The following RAB29 variants were observed in gnomAD, a reference collection of about 807,000 sequenced individuals.
The protein encoded by RAB29 is ras-related protein Rab-29.
RAB29 carries 13 observed loss-of-function variants against 25.5 expected under a neutral mutation model. That is an observed-to-expected ratio of 0.51 (90% confidence interval 0.33 to 0.81). The LOEUF (loss-of-function observed/expected upper bound fraction) is 0.81. Ranked by LOEUF, RAB29 falls within the 30% of genes least tolerant of loss-of-function variation. The pLI is 0.02. For synonymous variants in RAB29, 88 were observed against 95.0 expected (o/e 0.93, Z 0.43); for missense variants, 201 against 254.9 (o/e 0.79, Z 1.44).
chr1:205,772,097 T>C (rs1004671988), intron 3 of RAB29, among the ~76,000 whole-genome samples: 20 of 152,138 alleles, frequency 1.3e-4, no homozygotes, highest in Non-Finnish European at 2.5e-4. Flanking sequence ...GATGTGAGGA[T>C]TAATGAGTCA....
chr1:205,771,149 A>T (rs1277804717), intron 4 of RAB29: 2 of 460,180 alleles, frequency 4.3e-6, no homozygotes, highest in South Asian at 2.1e-5. Context: ...ATACAAAAAA[A>T]TTAGCTGGGT....
chr1:205,774,827 T>A lies in RAB29; in HGVS notation c.124+6A>T, dbSNP rs1655224684. 5.3e-5 allele frequency: 54 copies of A among 1,027,376 alleles called. 1 individual carries two copies. The highest frequency in any genetic ancestry group is 7.6e-5 in the Non-Finnish European group (53 of 698,306). 63.6% of individuals were successfully genotyped at this position (1,027,376 alleles called of 1,614,324 possible). On this transcript the variant is annotated splice_donor_region_variant and intron_variant, in intron 2 of 5. Coordinates refer to ENST00000367139, the MANE Select transcript of RAB29 (RefSeq NM_003929.3). ...CCTCCCCCTCCCCACCCCCGAGACG[T>A]CTCACCTCCCACCGTGGACTTGTAG...
At position 205,770,794 on chromosome 1, in the gene RAB29, C is replaced by G; in HGVS notation, c.439G>C (p.Gly147Arg). ...GATGTTTCTGTCCAACCTGTGAAAC[C>G]GTTCTCTTTACTGAACCGGTCAATC... ...DQIDRFSKEN[G>R]FTGWTETSVK... Residue 147 changes from glycine to arginine, a missense_variant, in exon 5 of 6, where the codon GGT becomes CGT. Gly to Arg is a moderately radical substitution (Grantham distance 125). Coordinates refer to ENST00000367139, the MANE Select transcript of RAB29 (RefSeq NM_003929.3). The G allele has an allele frequency of 6.2e-7, 1 of 1,614,132 alleles. No homozygotes were observed. The highest frequency in any genetic ancestry group is 8.5e-7 in the Non-Finnish European group (1 of 1,180,008).
chr1:205,773,507 G>A (rs1415905047), intron 2 of RAB29, among the ~76,000 whole-genome samples: 1 of 152,108 alleles, frequency 6.6e-6, no homozygotes, highest in African/African-American at 2.4e-5. Context: ...AATTTTGCCA[G>A]ACTTAAATTT....
Position 205,768,820 on chromosome 1 carries a change from CCACCACGG to C in RAB29, c.*1514_*1521del, listed in dbSNP as rs1364397220. 2.0e-5 allele frequency: 3 copies of C among 152,088 alleles called. No individual in the cohort carries two copies. Among genetic ancestry groups the C allele is most frequent in the Non-Finnish European group, 4.4e-5 (3 of 68,032 alleles). 9.4% of individuals were successfully genotyped at this position (152,088 alleles called of 1,614,324 possible). A position where few individuals can be genotyped will look rare whatever the true frequency, so the allele number is the denominator to read the frequency against. On this transcript the variant is annotated 3_prime_UTR_variant, in exon 6 of 6. Coordinates refer to ENST00000367139, the MANE Select transcript of RAB29 (RefSeq NM_003929.3). ...AAAGTGCTGGGATTACAGGTGTGAG[CCACCACGG>C]CTGGCTCAGGACCCAAAAATCTTAA...
Position 205,768,537 on chromosome 1 carries a change from GT to G in RAB29, c.*1804del, listed in dbSNP as rs56129364. ...GGGACCCAAAAATCTTTTTCTTTTT[GT>G]TTTTTTTTTTTGGAGATGGAGTTTC... is the stretch of plus-strand genomic sequence containing the variant. On this transcript the variant is annotated 3_prime_UTR_variant, in exon 6 of 6. Coordinates refer to ENST00000367139, the MANE Select transcript of RAB29 (RefSeq NM_003929.3). 6.2e-5 allele frequency: 9 copies of G among 144,260 alleles called. No individual in the cohort carries two copies. The highest frequency in any genetic ancestry group is 2.2e-4 in the South Asian group (1 of 4,608). 8.9% of individuals were successfully genotyped at this position (144,260 alleles called of 1,614,324 possible).
intron 2 of RAB29, 38 bp downstream of exon 2, chr1:205,774,795 T>TGCGG: frequency 1.2e-6 from 1 of 860,522 alleles, no homozygotes; most frequent in Non-Finnish European, 1.8e-6. Flanking sequence ...CGGGGCCTCC[T>TGCGG]CCTCCCCCTC....
At chr1:205,774,796 C>CCCG in intron 2 of RAB29, 37 bp downstream of exon 2, 1 of 921,988 alleles carries the variant, frequency 1.1e-6, no homozygotes, top group Non-Finnish European at 1.7e-6. Flanking sequence ...GGGGCCTCCT[C>CCCG]CTCCCCCTCC....
chr1:205,774,791 C>CGGCG, intron 2 of RAB29, 42 bp downstream of exon 2: 1 of 1,468,884 alleles, frequency 6.8e-7, no homozygotes, highest in Non-Finnish European at 9.3e-7. Flanking sequence ...CGGTCGGGGC[C>CGGCG]TCCTCCTCCC....
intron 2 of RAB29, among the ~76,000 whole-genome samples, chr1:205,773,208 T>C (rs1251841485): frequency 1.3e-5 from 2 of 152,214 alleles, no homozygotes; most frequent in Non-Finnish European, 2.9e-5. Context: ...AAGTATTCCA[T>C]GGGGAAAGCC....
chr1:205,774,817 C>T lies in RAB29; in HGVS notation c.124+16G>A, dbSNP rs1167468727. On this transcript the variant is annotated intron_variant, in intron 2 of 5. Transcript: ENST00000367139. Reference sequence around the variant, plus strand: ...TCCTCCTCCCCCTCCCCCTCCCCACCCCCGAGACGTCTCACCTCCCACCGT... The same window carrying T: ...TCCTCCTCCCCCTCCCCCTCCCCACTCCCGAGACGTCTCACCTCCCACCGT... 5 of 1,580,044 alleles carry T rather than the reference C, an allele frequency of 3.2e-6. No homozygotes were observed. The highest frequency in any genetic ancestry group is 4.3e-6 in the Non-Finnish European group (5 of 1,161,428).
chr1:205,770,531 CAG>C (rs1654933264), intron 5 of RAB29, 78 bp from the exon 6 acceptor site: 7 of 1,441,912 alleles, frequency 4.9e-6, no homozygotes, highest in African/African-American at 1.4e-5. Context: ...GACTTATCAT[CAG>C]AGAGTATTTG....
At chr1:205,774,795 T>TCCAGCCCCCCCCCCCC in intron 2 of RAB29, 38 bp downstream of exon 2, 1 of 860,522 alleles carries the variant, frequency 1.2e-6, no homozygotes. Context: ...CGGGGCCTCC[T>TCCAGCCCCCCCCCCCC]CCTCCCCCTC....
At chr1:205,775,194 C>T in intron 1 of RAB29, 79 bp downstream of exon 1, 1 of 499,942 alleles carries the variant, frequency 2.0e-6, no homozygotes, top group Admixed American at 3.5e-5. Context: ...CTCCGAGCCC[C>T]CGGCTGTTCG....
In RAB29 at chr1:205,768,706, CTTATT is replaced by C. The variant is rs1654837880; in HGVS notation, c.*1631_*1635del. 1 of 151,884 alleles carries C rather than the reference CTTATT, an allele frequency of 6.6e-6. No homozygotes were observed. Among genetic ancestry groups the C allele is most frequent in the African/African-American group, 2.4e-5 (1 of 41,326 alleles). The allele number at this position is 151,884 out of a possible 1,614,324, so 9.4% of individuals were successfully genotyped here. A position where few individuals can be genotyped will look rare whatever the true frequency, so the allele number is the denominator to read the frequency against. ...CCGCCACCACGCCCAGCTAATTTTT[CTTATT>C]TTTAGTAGAGACGGGGTTTCAGTAT... On this transcript the variant is annotated 3_prime_UTR_variant, in exon 6 of 6. Transcript: ENST00000367139.
chr1:205,775,147 C>G, intron 1 of RAB29, 61 bp from the exon 2 acceptor site: 1 of 692,540 alleles, frequency 1.4e-6, no homozygotes, highest in South Asian at 2.3e-5. Context: ...GCTTCCTCCC[C>G]GGGCGGCCGC....
At chr1:205,774,800 C>CCCCCA in intron 2 of RAB29, 33 bp downstream of exon 2, 1 of 1,315,800 alleles carries the variant, frequency 7.6e-7, no homozygotes, top group Non-Finnish European at 1.1e-6. Context: ...CCTCCTCCTC[C>CCCCCA]CCCTCCCCCT....
chr1:205,768,261 C>G lies in RAB29; in HGVS notation c.*2081G>C, dbSNP rs1404502498. 1 of 152,220 alleles carries G rather than the reference C, an allele frequency of 6.6e-6. No individual in the cohort carries two copies. Among genetic ancestry groups the G allele is most frequent in the Non-Finnish European group, 1.5e-5 (1 of 68,034 alleles). 9.4% of individuals were successfully genotyped at this position (152,220 alleles called of 1,614,324 possible). ...CTCTCTGATATGTGGCCTCTGATCTCTTTCTTAGGGCAGTGGTTTTCAACG... is the reference window on the plus strand; with the variant it reads ...CTCTCTGATATGTGGCCTCTGATCTGTTTCTTAGGGCAGTGGTTTTCAACG... On this transcript the variant is annotated 3_prime_UTR_variant, in exon 6 of 6. Coordinates refer to ENST00000367139, the MANE Select transcript of RAB29 (RefSeq NM_003929.3).
intron 3 of RAB29, among the ~76,000 whole-genome samples, chr1:205,771,946 CTTTT>C (rs5780299): frequency 4.2e-5 from 5 of 117,978 alleles, no homozygotes; most frequent in Non-Finnish European, 3.7e-5. Context: ...AAAGCAGTCG[CTTTT>C]TTTTTTTTTT....
Sources: allele counts gnomAD v4.1 joint callset (sites outside exome capture counted in the v4.1 genomes callset), GRCh38; gene constraint gnomAD v4.1.1; transcripts MANE v1.5; gene names NCBI Gene and HGNC (gene_info 2026-07-23, HGNC 2026-07-21).